MAGI1: variants seen among roughly 807,000 people sequenced by gnomAD.
MAGI1 encodes the protein membrane-associated guanylate kinase, WW and PDZ domain-containing protein 1.
A neutral mutation model predicts 139.9 loss-of-function variants in MAGI1; 58 were observed. That is an observed-to-expected ratio of 0.41 (90% CI 0.34 to 0.52). The LOEUF is 0.52. MAGI1 is among the 20% of genes least tolerant of loss of function. MAGI1 has a pLI of 0.12. For synonymous variants in MAGI1, 812 were observed against 737.9 expected, an observed-to-expected ratio of 1.10 and a Z score of -1.63; for missense variants, 1,874 against 1,901.6, an observed-to-expected ratio of 0.99 and a Z score of 0.27.
intron 1 of MAGI1, among the ~76,000 whole-genome samples, chr3:65,975,909 T>C (rs1390631777): frequency 6.6e-6 from 1 of 152,190 alleles, no homozygotes; most frequent in African/African-American, 2.4e-5. Context: ...TAATACAAAA[T>C]ACTTCAAATT....
intron 1 of MAGI1, among the ~76,000 whole-genome samples, chr3:65,871,266 T>C (rs1222157431): frequency 6.6e-6 from 1 of 152,080 alleles, no homozygotes; most frequent in African/African-American, 2.4e-5. Context: ...ACAAAAAATA[T>C]ATATATTCAA....
intron 1 of MAGI1, among the ~76,000 whole-genome samples, chr3:65,644,409 C>T (rs1056421970): frequency 1.2e-4 from 18 of 147,782 alleles, no homozygotes; most frequent in African/African-American, 4.2e-4. Flanking sequence ...AGTATAAAAC[C>T]TCAGCCCAAA....
intron 1 of MAGI1, among the ~76,000 whole-genome samples, chr3:65,726,870 G>A (rs1251297434): frequency 6.6e-6 from 1 of 151,092 alleles, no homozygotes; most frequent in Non-Finnish European, 1.5e-5. Flanking sequence ...AAAGACGAGA[G>A]GCAGAATGGA....
intron 2 of MAGI1, among the ~76,000 whole-genome samples, chr3:65,513,745 C>T (rs1241569956): frequency 8.1e-5 from 1 of 12,344 alleles, no homozygotes; most frequent in African/African-American, 1.8e-4. Context: ...AGGTAATTTA[C>T]AGATTCAATG....
chr3:65,399,509 G>T (rs894372269), intron 13 of MAGI1, among the ~76,000 whole-genome samples: 1 of 152,182 alleles, frequency 6.6e-6, no homozygotes, highest in Non-Finnish European at 1.5e-5. Flanking sequence ...CCTCAACCCT[G>T]TCCTGGCACA....
intron 6 of MAGI1, 70 bp from the exon 7 acceptor site, chr3:65,448,127 A>G: frequency 7.2e-7 from 1 of 1,384,954 alleles, no homozygotes; most frequent in Admixed American, 1.7e-5. Context: ...AGCACCAAGA[A>G]AGGAAATCTC....
At chr3:65,960,853 A>C (rs2064386861) in intron 1 of MAGI1, among the ~76,000 whole-genome samples, 1 of 152,162 alleles carries the variant, frequency 6.6e-6, no homozygotes, top group East Asian at 1.9e-4. Context: ...GAAAATTCTG[A>C]GAAAAGAGTT....
intron 1 of MAGI1, among the ~76,000 whole-genome samples, chr3:65,963,045 A>G (rs1236426086): frequency 6.6e-6 from 1 of 150,884 alleles, no homozygotes; most frequent in Non-Finnish European, 1.5e-5. Context: ...AATAATGACA[A>G]TCTGGCCAGG....
chr3:65,948,434 CA>C (rs1560043902), intron 1 of MAGI1, among the ~76,000 whole-genome samples: 1 of 152,082 alleles, frequency 6.6e-6, no homozygotes, highest in East Asian at 1.9e-4. Context: ...ATAAAAAACC[CA>C]ATACATGTGC....
At chr3:65,879,164 A>T (rs1184019281) in intron 1 of MAGI1, among the ~76,000 whole-genome samples, 1 of 151,490 alleles carries the variant, frequency 6.6e-6, no homozygotes, top group Non-Finnish European at 1.5e-5. Flanking sequence ...CAGCTCATCA[A>T]TGCACCAGAC....
intron 1 of MAGI1, among the ~76,000 whole-genome samples, chr3:65,653,800 C>T (rs767094928): frequency 7.9e-5 from 12 of 152,150 alleles, no homozygotes; most frequent in Non-Finnish European, 1.5e-4. Flanking sequence ...TTCACTCTCT[C>T]TTTCTTTTTA....
At chr3:65,509,964 G>A (rs553430651) in intron 2 of MAGI1, among the ~76,000 whole-genome samples, 82 of 152,282 alleles carry the variant, frequency 5.4e-4, no homozygotes, top group Middle Eastern at 3.4e-3. Flanking sequence ...TCTGAGAACC[G>A]GCAGACTGCC....
At chr3:66,013,177 G>C (rs2067422371) in intron 1 of MAGI1, among the ~76,000 whole-genome samples, 1 of 152,028 alleles carries the variant, frequency 6.6e-6, no homozygotes, top group Non-Finnish European at 1.5e-5. Context: ...GCCGAGGCGG[G>C]TGGATTACCT....
intron 1 of MAGI1, among the ~76,000 whole-genome samples, chr3:65,855,208 G>A (rs1310093466): frequency 6.9e-6 from 1 of 145,584 alleles, no homozygotes; most frequent in African/African-American, 2.7e-5. Flanking sequence ...AGGAAGCCTT[G>A]TGAGTCCACA....
chr3:65,498,291 A>T (rs931767712), intron 2 of MAGI1, among the ~76,000 whole-genome samples: 1 of 151,436 alleles, frequency 6.6e-6, no homozygotes, highest in Non-Finnish European at 1.5e-5. Flanking sequence ...AAAAAAAGAA[A>T]AAAAAAAGCG....
chr3:65,559,511 T>C (rs2080239367), intron 2 of MAGI1, among the ~76,000 whole-genome samples: 1 of 152,266 alleles, frequency 6.6e-6, no homozygotes, highest in South Asian at 2.1e-4. Context: ...CTACTTGTTT[T>C]TCTTTGCCCT....
At chr3:65,661,672 C>T (rs1477721854) in intron 1 of MAGI1, among the ~76,000 whole-genome samples, 2 of 151,862 alleles carry the variant, frequency 1.3e-5, no homozygotes, top group Non-Finnish European at 2.9e-5. Flanking sequence ...TGACACCTGG[C>T]ACTAGTGTTA....
chr3:65,511,670 C>A (rs1268689376), intron 2 of MAGI1, among the ~76,000 whole-genome samples: 1 of 147,170 alleles, frequency 6.8e-6, no homozygotes, highest in Non-Finnish European at 1.5e-5. Context: ...CCTGAGTGAC[C>A]TACAAAGAGA....
intron 1 of MAGI1, among the ~76,000 whole-genome samples, chr3:65,857,560 G>A (rs538758818): frequency 1.3e-4 from 20 of 152,278 alleles, no homozygotes; most frequent in East Asian, 1.9e-4. Context: ...AGAGCTAATC[G>A]CTCAGGCTGC....
Sources: gnomAD v4.1 joint callset for allele counts (sites outside exome capture counted in the v4.1 genomes callset) on GRCh38, gnomAD v4.1.1 for gene constraint, MANE v1.5 for transcripts, NCBI Gene and HGNC (gene_info 2026-07-23, HGNC 2026-07-21) for gene names.